SLC4A4: variants seen among roughly 807,000 people sequenced by gnomAD.
SLC4A4 encodes solute carrier family 4 member 4.
In SLC4A4, 27 loss-of-function variants were observed where a neutral mutation model predicts 111.5. The observed-to-expected ratio is 0.24, with a 90% CI of 0.18 to 0.33. The LOEUF is 0.33. Ranked by LOEUF, SLC4A4 falls within the 10% of genes least tolerant of loss-of-function variation. The pLI, the probability that SLC4A4 is intolerant of heterozygous loss-of-function variation, is 1.00. For missense variants in SLC4A4, 909 were observed against 1,315.5 expected (o/e 0.69, Z 4.78); for synonymous variants, 443 against 463.4 (o/e 0.96, Z 0.57).
chr4:71,462,415 C>CTTTTTT (rs869306669), intron 12 of SLC4A4, among the ~76,000 whole-genome samples: 6 of 121,890 alleles, frequency 4.9e-5, no homozygotes, highest in Non-Finnish European at 8.5e-5. Flanking sequence ...ACCTCCTCAT[C>CTTTTTT]TTTTTTTTTT....
At chr4:71,298,190 G>A (rs1022493907) in intron 3 of SLC4A4, among the ~76,000 whole-genome samples, 3 of 152,172 alleles carry the variant, frequency 2.0e-5, no homozygotes, top group Non-Finnish European at 4.4e-5. Flanking sequence ...TAAAAAGTTA[G>A]TAATAAATGC....
chr4:71,295,006 C>G (rs1484135487), intron 3 of SLC4A4, among the ~76,000 whole-genome samples: 2 of 152,066 alleles, frequency 1.3e-5, no homozygotes, highest in Non-Finnish European at 2.9e-5. Flanking sequence ...TAATTTCAGG[C>G]ATTTAGGTTT....
At chr4:71,075,932 C>G (rs975582267) in intron 1 of SLC4A4, among the ~76,000 whole-genome samples, 8 of 151,228 alleles carry the variant, frequency 5.3e-5, no homozygotes, top group Non-Finnish European at 8.8e-5. Flanking sequence ...GCACTCCAGC[C>G]TGGCGACAGA....
At chr4:71,417,475 C>T (rs748028840) in intron 7 of SLC4A4, among the ~76,000 whole-genome samples, 9 of 152,018 alleles carry the variant, frequency 5.9e-5, no homozygotes, top group Non-Finnish European at 1.2e-4. Context: ...GAGCAAGTGA[C>T]CTGTATTTAT....
chr4:71,434,085 A>T (rs1349974536), intron 7 of SLC4A4, among the ~76,000 whole-genome samples: 1 of 152,068 alleles, frequency 6.6e-6, no homozygotes, highest in East Asian at 1.9e-4. Context: ...TACATTTTAC[A>T]TGATAATTAT....
At chr4:71,389,721 T>C (rs1368528092) in intron 6 of SLC4A4, among the ~76,000 whole-genome samples, 2 of 152,288 alleles carry the variant, frequency 1.3e-5, no homozygotes, top group Non-Finnish European at 2.9e-5. Context: ...GTGTTTATAG[T>C]AGTAACTCCA....
chr4:71,122,999 A>C (rs1226457056), intron 2 of SLC4A4, among the ~76,000 whole-genome samples: 1 of 152,248 alleles, frequency 6.6e-6, no homozygotes, highest in African/African-American at 2.4e-5. Context: ...ATGCCTGTAA[A>C]ACAAGAACAA....
intron 2 of SLC4A4, among the ~76,000 whole-genome samples, chr4:71,243,397 A>G (rs1464438352): frequency 6.6e-6 from 1 of 152,152 alleles, no homozygotes; most frequent in Non-Finnish European, 1.5e-5. Context: ...TTTTATCACC[A>G]TGAGATTAGA....
At chr4:71,528,641 A>C (rs2149204684) in intron 16 of SLC4A4, among the ~76,000 whole-genome samples, 1 of 152,222 alleles carries the variant, frequency 6.6e-6, no homozygotes, top group African/African-American at 2.4e-5. Flanking sequence ...TCTTATATAT[A>C]TGTGCAAAGA....
intron 3 of SLC4A4, among the ~76,000 whole-genome samples, chr4:71,327,827 G>T (rs1727626743): frequency 6.6e-6 from 1 of 151,634 alleles, no homozygotes; most frequent in African/African-American, 2.4e-5. Flanking sequence ...ATTTTTTTGT[G>T]TTATAAATTC....
chr4:71,070,785 G>A lies in SLC4A4; in HGVS notation c.-65+7997G>A, dbSNP rs189084573. On this transcript the variant is annotated intron_variant, in intron 1 of 26. Coordinates refer to the SLC4A4 transcript ENST00000649996. ...AATGAGTGAAGATGAACCTAGAGAT[G>A]TGACTGCAATGGAAACTGACTTTTA... Among the ~76,000 whole-genome samples the A allele has an allele frequency of 5.9e-5, 9 of 152,336 alleles. No homozygotes were observed. In the East Asian group the frequency reaches 1.7e-3, roughly 29 times the overall value.
chr4:71,421,360 G>T (rs1460258873), intron 7 of SLC4A4, among the ~76,000 whole-genome samples: 2 of 152,120 alleles, frequency 1.3e-5, no homozygotes, highest in African/African-American at 2.4e-5. Context: ...CCTACAAAGA[G>T]ACTGAGACTC....
At position 71,517,374 on chromosome 4, in the gene SLC4A4, G is replaced by A. The variant is rs1185163029; in HGVS notation, c.2167-14688G>A. Among the ~76,000 whole-genome samples, 3 of 151,474 alleles carry A rather than the reference G, an allele frequency of 2.0e-5. No homozygotes were observed. In the East Asian group the frequency reaches 5.8e-4, roughly 29 times the overall value. ...CTGCTTGATCAGTTCTGCTGTTGAT[G>A]CTCTTTATTGCATTTCTTAATTTTC... On this transcript the variant is annotated intron_variant, in intron 16 of 25. Coordinates refer to ENST00000264485, the MANE Select transcript of SLC4A4 (RefSeq NM_001098484.3).
chr4:71,143,123 G>A (rs983176777), intron 2 of SLC4A4, among the ~76,000 whole-genome samples: 12 of 150,814 alleles, frequency 8.0e-5, no homozygotes, highest in South Asian at 6.4e-4. Flanking sequence ...AACCATCCCC[G>A]GTGTGTGATG....
intron 2 of SLC4A4, among the ~76,000 whole-genome samples, chr4:71,133,614 T>A (rs1743767228): frequency 6.6e-6 from 1 of 152,210 alleles, no homozygotes; most frequent in Non-Finnish European, 1.5e-5. Context: ...CAGGCCTTTT[T>A]TAGGCTAGTC....
chr4:71,251,419 A>G (rs529833465), intron 2 of SLC4A4, among the ~76,000 whole-genome samples: 162 of 152,354 alleles, frequency 1.1e-3, no homozygotes, highest in Middle Eastern at 0.01. Flanking sequence ...ATGGGAAGAA[A>G]CAAGAATCAC....
intron 1 of SLC4A4, among the ~76,000 whole-genome samples, chr4:71,193,962 C>A (rs553465355): frequency 6.6e-6 from 1 of 152,052 alleles, no homozygotes. Context: ...GAAACTTTAT[C>A]CCTAAAAAAT....
chr4:71,087,180 A>C (rs2081110639), intron 1 of SLC4A4, among the ~76,000 whole-genome samples: 1 of 151,946 alleles, frequency 6.6e-6, no homozygotes, highest in African/African-American at 2.4e-5. Flanking sequence ...TAGATTTTCT[A>C]GTTTATTTGC....
At chr4:71,309,516 C>A (rs1725963115) in intron 3 of SLC4A4, among the ~76,000 whole-genome samples, 1 of 152,156 alleles carries the variant, frequency 6.6e-6, no homozygotes, top group Non-Finnish European at 1.5e-5. Context: ...GCAGACTCCG[C>A]TGGTGATACC....
Sources: gnomAD v4.1 joint callset for allele counts (sites outside exome capture counted in the v4.1 genomes callset) on GRCh38, gnomAD v4.1.1 for gene constraint, MANE v1.5 for transcripts, NCBI Gene and HGNC (gene_info 2026-07-23, HGNC 2026-07-21) for gene names.